UGT2B4: variants seen among roughly 807,000 people sequenced by gnomAD.
UGT2B4 encodes the protein UDP-glucuronosyltransferase 2B4.
Under a neutral mutation model 49.8 loss-of-function variants are expected in UGT2B4, and 49 were observed. The observed-to-expected ratio is 0.98, with a 90% confidence interval of 0.78 to 1.25. The LOEUF is 1.25. Ranked by LOEUF, UGT2B4 falls within the 50% of genes most tolerant of loss-of-function variation. The pLI is 0.00. For synonymous variants in UGT2B4, 246 were observed against 217.7 expected (o/e 1.13, Z -1.14); for missense variants, 729 against 627.7 (o/e 1.16, Z -1.73).
chr4:69,510,144 G>A (rs193001910), intron 1 of UGT2B4, among the ~76,000 whole-genome samples: 1 of 152,224 alleles, frequency 6.6e-6, no homozygotes. Context: ...CATTCTTGTT[G>A]AAGATCAGTT....
chr4:69,493,735 G>A lies in UGT2B4; in HGVS notation c.828C>T (p.Phe276=), dbSNP rs370514714. The A allele has an allele frequency of 4.8e-5, 78 of 1,611,194 alleles. 2 individuals are homozygous for A. The South Asian group carries it at 7.4e-4, about 15-fold the overall frequency. Residue 276 remains phenylalanine (F), a synonymous_variant, in exon 2 of 6, where the codon TTC becomes TTT. Coordinates refer to ENST00000305107, the MANE Select transcript of UGT2B4 (RefSeq NM_021139.3). ...FPHPLLPNVE[F]VGGLHCKPAK... is the part of the protein sequence containing the mutation. ...CAGGTTTGCAGTGGAGTCCTCCAACGAACTCAACATTTGGTAAGAGTGGGT... is the reference window on the plus strand; with the variant it reads ...CAGGTTTGCAGTGGAGTCCTCCAACAAACTCAACATTTGGTAAGAGTGGGT...
chr4:69,494,366 C>G (rs1379181451), intron 1 of UGT2B4, among the ~76,000 whole-genome samples: 6 of 152,064 alleles, frequency 3.9e-5, no homozygotes, highest in Non-Finnish European at 8.8e-5. Context: ...ATGCTAACCT[C>G]ATAATAATAT....
At chr4:69,481,088 T>C (rs878893697) in intron 5 of UGT2B4, among the ~76,000 whole-genome samples, 178 bp from the exon 6 acceptor site, 1 of 4,264 alleles carries the variant, frequency 2.3e-4, no homozygotes, top group Admixed American at 3.6e-3. Flanking sequence ...CCAGTAAAAA[T>C]ATGAAAAAAA....
rs1728130598 is a variant in UGT2B4 at position 69,495,523 on chromosome 4, T to C, written c.339A>G (p.Gln113=). 5.0e-6 allele frequency: 8 copies of C among 1,612,774 alleles called. No homozygotes were observed. Among genetic ancestry groups the C allele is most frequent in the Non-Finnish European group, 6.8e-6 (8 of 1,179,256 alleles). ...TGTCATTAAATGTCCACATGATTTC[T>C]TGTACTTGTGAAAAATATGACCAAA... is the stretch of plus-strand genomic sequence containing the variant. ...DTFWSYFSQV[Q]EIMWTFNDIL... The change falls in exon 1 of 6, where the codon CAA becomes CAG. Residue 113 remains glutamine, a synonymous_variant. Coordinates refer to ENST00000305107, the MANE Select transcript of UGT2B4 (RefSeq NM_021139.3).
intron 1 of UGT2B4, among the ~76,000 whole-genome samples, chr4:69,494,156 G>A (rs1401079997): frequency 1.3e-5 from 2 of 152,004 alleles, no homozygotes; most frequent in African/African-American, 2.4e-5. Context: ...GTAAACCTTC[G>A]ATAGTAGCAG....
At position 69,485,403 on chromosome 4, in the gene UGT2B4, A is replaced by T; in HGVS notation, c.1115T>A (p.Ile372Lys). The T allele has an allele frequency of 6.2e-7, 1 of 1,613,874 alleles. No homozygotes were observed. Among genetic ancestry groups the T allele is most frequent in the Non-Finnish European group, 8.5e-7 (1 of 1,179,792 alleles). The change falls in exon 5 of 6, where the codon ATA (isoleucine) becomes AAA (lysine). Residue 372 changes from isoleucine (I) to lysine (K), a missense_variant. Physicochemically the swap from Ile to Lys is moderately radical, Grantham distance 102. Coordinates refer to ENST00000305107, the MANE Select transcript of UGT2B4 (RefSeq NM_021139.3). Reference protein sequence around the residue: ...LLGHPKTRAFITHGGANGIYE... With the variant: ...LLGHPKTRAFKTHGGANGIYE... ...GATGCCATTGGCTCCACCATGAGTT[A>T]TAAAAGCTCTGGTTTTTGGGTGACC...
upstream of UGT2B4, among the ~76,000 whole-genome samples, chr4:69,499,199 C>G (rs572403091): frequency 6.6e-5 from 10 of 152,176 alleles, no homozygotes; most frequent in East Asian, 1.7e-3. Context: ...ATCTTAGGTT[C>G]CGATTTGATT....
At chr4:69,506,616 G>T (rs1330650144) in intron 1 of UGT2B4, among the ~76,000 whole-genome samples, 1 of 151,394 alleles carries the variant, frequency 6.6e-6, no homozygotes, top group African/African-American at 2.5e-5. Flanking sequence ...GGACCAGATA[G>T]ATTCACAGCT....
At chr4:69,497,690 T>C (rs1728202896), upstream of UGT2B4, among the ~76,000 whole-genome samples, 2 of 152,346 alleles carry the variant, frequency 1.3e-5, no homozygotes, top group South Asian at 4.1e-4. Context: ...TGAGATTGAA[T>C]CTACTCCTGG....
chr4:69,524,230 T>C (rs1010078734), intron 1 of UGT2B4, among the ~76,000 whole-genome samples: 6 of 152,166 alleles, frequency 3.9e-5, no homozygotes, highest in African/African-American at 1.4e-4. Context: ...AGGCCTAGAT[T>C]TCAGCCTATC....
At chr4:69,481,664 A>G (rs1300487343) in intron 5 of UGT2B4, among the ~76,000 whole-genome samples, 2 of 152,200 alleles carry the variant, frequency 1.3e-5, no homozygotes, top group Non-Finnish European at 2.9e-5. Context: ...GTGTTATGAA[A>G]TATCCAGTTA....
chr4:69,486,572 T>C, intron 4 of UGT2B4, 37 bp downstream of exon 4: 2 of 1,369,144 alleles, frequency 1.5e-6, no homozygotes, highest in Non-Finnish European at 2.0e-6. Flanking sequence ...AATAATCTGT[T>C]ACTAATATAT....
chr4:69,513,225 T>C (rs190550286), intron 1 of UGT2B4, among the ~76,000 whole-genome samples: 13 of 152,344 alleles, frequency 8.5e-5, no homozygotes, highest in Admixed American at 6.5e-4. Context: ...GGGTTTTACA[T>C]TTAAATCTTT....
intron 1 of UGT2B4, among the ~76,000 whole-genome samples, chr4:69,522,683 T>C (rs1728875592): frequency 6.6e-6 from 1 of 152,192 alleles, no homozygotes; most frequent in Non-Finnish European, 1.5e-5. Context: ...TTTCTAAAGA[T>C]TGAGATGGCT....
rs879676979 is a variant in UGT2B4, at chr4:69,502,089, C to CTTTCTTTCTT, written c.-105-6124_-105-6123insAAGAAAGAAA. 7.1e-5 allele frequency among the ~76,000 whole-genome samples: 6 copies of CTTTCTTTCTT among 84,148 alleles called. No individual in the cohort carries two copies. In the East Asian group the frequency reaches 1.1e-3, roughly 15 times the overall value. 55.2% of individuals were successfully genotyped at this position (84,148 alleles called of 152,430 possible). The stretch of plus-strand genomic sequence containing the variant: ...TTCCTTCTTTTCTTTCTTTCTTTCT[C>CTTTCTTTCTT]TCTCTTTCTTTCTTTCTTTCTTTCT... On this transcript the variant is annotated intron_variant, in intron 1 of 1. Transcript: ENST00000510114.
chr4:69,494,831 T>C (rs1357787650), intron 1 of UGT2B4, among the ~76,000 whole-genome samples: 2 of 151,872 alleles, frequency 1.3e-5, no homozygotes, highest in African/African-American at 4.8e-5. Context: ...TAAGTCTGAC[T>C]TTTTTTTAAG....
upstream of UGT2B4, among the ~76,000 whole-genome samples, chr4:69,498,407 A>T (rs957487395): frequency 1.3e-5 from 2 of 152,164 alleles, no homozygotes; most frequent in Non-Finnish European, 2.9e-5. Context: ...CCTTCAGCTG[A>T]AACATTCAGA....
At position 69,480,576 on chromosome 4, in the gene UGT2B4, T is replaced by A; in HGVS notation, c.*58A>T. 6.4e-7 allele frequency: 1 copy of A among 1,555,734 alleles called. No homozygotes were observed. The highest frequency in any genetic ancestry group is 8.7e-7 in the Non-Finnish European group (1 of 1,150,856). On this transcript the variant is annotated 3_prime_UTR_variant, in exon 6 of 6. Transcript: ENST00000305107. ...CTCTTGTATCACAACGTCTTCTTGT[T>A]GTAATAAACTAAAGGAGTTCATTTA...
In UGT2B4 at chr4:69,489,445, T is replaced by A; in HGVS notation, c.996A>T (p.Pro332=). 6.2e-7 allele frequency: 1 copy of A among 1,610,876 alleles called. No homozygotes were observed. Among genetic ancestry groups the A allele is most frequent in the Non-Finnish European group, 8.5e-7 (1 of 1,177,968 alleles). ...TTAAAACATTTTATCTTACCTTTTG[T>A]GGGATCTTGGCAAGGGCTGATGCAA... The part of the protein sequence containing the change: ...NVIASALAKI[P]QKVLWRFDGN... The change falls in exon 3 of 6, where the codon CCA becomes CCT. Residue 332 remains proline, a synonymous_variant. Coordinates refer to ENST00000305107, the MANE Select transcript of UGT2B4 (RefSeq NM_021139.3).
Sources: gnomAD v4.1 joint callset for allele counts (sites outside exome capture counted in the v4.1 genomes callset) on GRCh38, gnomAD v4.1.1 for gene constraint, MANE v1.5 for transcripts, NCBI Gene and HGNC (gene_info 2026-07-23, HGNC 2026-07-21) for gene names.